The following ROBO1 variants were observed in gnomAD, a reference collection of about 807,000 sequenced individuals.
The protein encoded by ROBO1 is roundabout homolog 1.
Under a neutral mutation model 195.9 loss-of-function variants are expected in ROBO1, and 149 were observed. The ratio of observed to expected loss-of-function variants is 0.76; its 90% confidence interval spans 0.67 to 0.87. ROBO1 has a LOEUF of 0.87. ROBO1 is among the 40% of genes least tolerant of loss of function. The pLI, the probability that ROBO1 is intolerant of heterozygous loss-of-function variation, is 0.00. For missense variants in ROBO1, 1,933 were observed against 2,068.3 expected (o/e 0.93, Z 1.27); for synonymous variants, 816 against 733.2 (o/e 1.11, Z -1.82).
intron 4 of ROBO1, among the ~76,000 whole-genome samples, chr3:78,903,186 T>C (rs2037689268): frequency 6.6e-6 from 1 of 152,166 alleles, no homozygotes; most frequent in African/African-American, 2.4e-5. Flanking sequence ...GCAGTTTTTA[T>C]TAATATAATC....
intron 3 of ROBO1, among the ~76,000 whole-genome samples, chr3:78,960,880 A>G (rs954225114): frequency 2.0e-5 from 3 of 151,504 alleles, no homozygotes; most frequent in African/African-American, 7.3e-5. Flanking sequence ...GGAATTAAGT[A>G]TTTTTACTGG....
intron 2 of ROBO1, among the ~76,000 whole-genome samples, chr3:79,320,571 A>ATTCTC (rs2033936727): frequency 1.3e-5 from 2 of 152,086 alleles, no homozygotes; most frequent in Admixed American, 6.6e-5. Flanking sequence ...CTCAAACGAC[A>ATTCTC]GTCTCACCTG....
At chr3:78,702,165 T>C (rs545152765) in intron 8 of ROBO1, among the ~76,000 whole-genome samples, 1 of 152,306 alleles carries the variant, frequency 6.6e-6, no homozygotes, top group African/African-American at 2.4e-5. Context: ...GACCCTGATG[T>C]TTGGTATTTG....
At chr3:79,208,535 G>A (rs939810006) in intron 2 of ROBO1, among the ~76,000 whole-genome samples, 7 of 152,164 alleles carry the variant, frequency 4.6e-5, no homozygotes, top group South Asian at 2.1e-4. Flanking sequence ...TTCCACAGAC[G>A]GTGAATATTC....
chr3:79,382,175 C>T (rs1264886089), intron 2 of ROBO1, among the ~76,000 whole-genome samples: 1 of 152,124 alleles, frequency 6.6e-6, no homozygotes, highest in Non-Finnish European at 1.5e-5. Context: ...TGCTATACTC[C>T]ATTCTCTTTT....
At chr3:79,237,674 A>G (rs1188778696) in intron 2 of ROBO1, among the ~76,000 whole-genome samples, 1 of 152,134 alleles carries the variant, frequency 6.6e-6, no homozygotes, top group Non-Finnish European at 1.5e-5. Flanking sequence ...CGAGTCATAC[A>G]CGTAATTTTT....
chr3:79,421,034 T>G (rs1172361074), intron 2 of ROBO1, among the ~76,000 whole-genome samples: 1 of 152,132 alleles, frequency 6.6e-6, no homozygotes, highest in African/African-American at 2.4e-5. Context: ...TGGAATACTA[T>G]GTAGCCATAA....
intron 2 of ROBO1, among the ~76,000 whole-genome samples, chr3:79,267,575 G>A (rs988678787): frequency 3.4e-5 from 5 of 146,900 alleles, no homozygotes; most frequent in Non-Finnish European, 3.0e-5. Context: ...CTTCACTATT[G>A]AATCTACTAA....
chr3:79,052,430 C>G (rs2078718598), intron 3 of ROBO1, among the ~76,000 whole-genome samples: 2 of 152,058 alleles, frequency 1.3e-5, no homozygotes, highest in African/African-American at 4.8e-5. Context: ...ATCAGTAATT[C>G]TAGTTTCAGT....
At chr3:79,329,064 G>A (rs1396877531) in intron 2 of ROBO1, among the ~76,000 whole-genome samples, 3 of 152,146 alleles carry the variant, frequency 2.0e-5, no homozygotes, top group Non-Finnish European at 4.4e-5. Flanking sequence ...AGATTTTGGA[G>A]GCACTACCTC....
chr3:79,560,286 A>T (rs1441418834), intron 2 of ROBO1, among the ~76,000 whole-genome samples: 1 of 149,210 alleles, frequency 6.7e-6, no homozygotes, highest in Non-Finnish European at 1.5e-5. Flanking sequence ...CGCAAGGACA[A>T]AAAACCAAAC....
chr3:78,821,130 T>G (rs1469766903), intron 4 of ROBO1, among the ~76,000 whole-genome samples: 1 of 151,642 alleles, frequency 6.6e-6, no homozygotes, highest in Non-Finnish European at 1.5e-5. Context: ...ACTGTAGAGA[T>G]AAGTGCTTAT....
chr3:78,677,426 C>T (rs1216355253), intron 10 of ROBO1, among the ~76,000 whole-genome samples: 6 of 152,066 alleles, frequency 3.9e-5, no homozygotes, highest in Non-Finnish European at 8.8e-5. Context: ...ATTCAGGAAA[C>T]CCATCTCACA....
chr3:78,943,159 T>A (rs2040232768), intron 3 of ROBO1, among the ~76,000 whole-genome samples: 1 of 151,650 alleles, frequency 6.6e-6, no homozygotes, highest in South Asian at 2.1e-4. Flanking sequence ...GAGCTTACAG[T>A]GAGCCAAGAT....
chr3:79,186,381 CAT>C (rs1434466758), intron 2 of ROBO1, among the ~76,000 whole-genome samples: 2 of 151,854 alleles, frequency 1.3e-5, no homozygotes, highest in Non-Finnish European at 2.9e-5. Context: ...TATTTGTAGA[CAT>C]GTATATATAC....
At chr3:79,112,577 C>T (rs1464608973) in intron 3 of ROBO1, among the ~76,000 whole-genome samples, 2 of 152,088 alleles carry the variant, frequency 1.3e-5, no homozygotes, top group Non-Finnish European at 2.9e-5. Context: ...TGTGATTTAC[C>T]AAGGTCCAAA....
At chr3:79,633,964 A>G (rs185607918) in intron 1 of ROBO1, among the ~76,000 whole-genome samples, 139 of 152,184 alleles carry the variant, frequency 9.1e-4, no homozygotes, top group African/African-American at 3.0e-3. Context: ...TGATATAGAG[A>G]AAAAAAGGAG....
intron 1 of ROBO1, among the ~76,000 whole-genome samples, chr3:79,735,596 C>T (rs1189608937): frequency 1.3e-5 from 2 of 152,132 alleles, no homozygotes; most frequent in Admixed American, 6.5e-5. Context: ...ACTGGCCGGG[C>T]GCGGTGGCTC....
At chr3:78,616,852 T>G (rs1402466813) in intron 27 of ROBO1, among the ~76,000 whole-genome samples, 3 of 152,150 alleles carry the variant, frequency 2.0e-5, no homozygotes, top group Non-Finnish European at 2.9e-5. Flanking sequence ...TTTCTTGAAC[T>G]ATTTACTTTC....
Sources: allele counts gnomAD v4.1 joint callset (sites outside exome capture counted in the v4.1 genomes callset), GRCh38; gene constraint gnomAD v4.1.1; transcripts MANE v1.5; gene names NCBI Gene and HGNC (gene_info 2026-07-23, HGNC 2026-07-21).